Variants in SNX29 observed in about 807,000 individuals in gnomAD.
The protein encoded by SNX29 is sorting nexin-29.
In SNX29, 78 loss-of-function variants were observed where a neutral mutation model predicts 102.1. The ratio of observed to expected loss-of-function variants is 0.76; its 90% confidence interval spans 0.64 to 0.92. SNX29 has a LOEUF of 0.92. Ranked by LOEUF, SNX29 falls within the 40% of genes least tolerant of loss-of-function variation. The pLI, the probability that SNX29 is intolerant of heterozygous loss-of-function variation, is 0.00. For missense variants in SNX29, 1,280 were observed against 1,061.7 expected (o/e 1.21, Z -2.86); for synonymous variants, 580 against 414.5 (o/e 1.40, Z -4.85).
chr16:12,148,141 C>G (rs1349699437), intron 13 of SNX29, among the ~76,000 whole-genome samples: 3 of 152,188 alleles, frequency 2.0e-5, no homozygotes, highest in African/African-American at 7.2e-5. Context: ...GAAGAACTTT[C>G]CTTCAAATGC....
intron 20 of SNX29, among the ~76,000 whole-genome samples, chr16:12,555,675 T>G (rs146350946): frequency 0.012 from 1,850 of 152,154 alleles, 37 homozygotes; most frequent in African/African-American, 0.042. Context: ...GCACGAAGTC[T>G]GAGAATAAGC....
chr16:12,293,086 A>G (rs1480796297), intron 15 of SNX29, among the ~76,000 whole-genome samples: 2 of 152,220 alleles, frequency 1.3e-5, no homozygotes, highest in Non-Finnish European at 2.9e-5. Context: ...TTGCAGGGGC[A>G]TCATATACAT....
At chr16:12,311,061 G>A (rs1473381723) in intron 15 of SNX29, among the ~76,000 whole-genome samples, 1 of 152,158 alleles carries the variant, frequency 6.6e-6, no homozygotes, top group East Asian at 1.9e-4. Flanking sequence ...CAGTGAATAA[G>A]GTTTCTTGTA....
At chr16:12,267,601 C>T (rs1422281050) in intron 14 of SNX29, among the ~76,000 whole-genome samples, 1 of 152,166 alleles carries the variant, frequency 6.6e-6, no homozygotes, top group Non-Finnish European at 1.5e-5. Flanking sequence ...CCTCCCTCAT[C>T]CTGCAGGAGC....
At chr16:12,273,938 T>C (rs545758845) in intron 14 of SNX29, among the ~76,000 whole-genome samples, 2 of 152,336 alleles carry the variant, frequency 1.3e-5, no homozygotes, top group East Asian at 1.9e-4. Flanking sequence ...CATGGCTGAA[T>C]AGTACAACCC....
chr16:12,318,166 C>T (rs1157768345), intron 15 of SNX29, among the ~76,000 whole-genome samples: 1 of 152,228 alleles, frequency 6.6e-6, no homozygotes, highest in African/African-American at 2.4e-5. Context: ...GAGAGGGCGG[C>T]AGAGCCAGGA....
In SNX29 at chr16:12,380,995, A is replaced by G. The variant is rs548162700; in HGVS notation, c.1900-17451A>G. Among the ~76,000 whole-genome samples, 33 of 47,052 alleles carry G rather than the reference A, an allele frequency of 7.0e-4. 1 individual carries two copies. The highest frequency in any genetic ancestry group is 3.0e-3 in the African/African-American group (30 of 9,990). 30.9% of individuals were successfully genotyped at this position (47,052 alleles called of 152,430 possible). A position where few individuals can be genotyped will look rare whatever the true frequency, so the allele number is the denominator to read the frequency against. On this transcript the variant is annotated intron_variant, in intron 16 of 20. Coordinates refer to ENST00000566228, the MANE Select transcript of SNX29 (RefSeq NM_032167.5). The stretch of plus-strand genomic sequence containing the variant: ...CCACCCACCATCCATCCATCCACCC[A>G]CCCACCATCCATCCACCCACCCACC...
chr16:12,455,531 C>G (rs994273884), intron 18 of SNX29, among the ~76,000 whole-genome samples: 2 of 152,238 alleles, frequency 1.3e-5, no homozygotes, highest in African/African-American at 4.8e-5. Flanking sequence ...TTCCTTGTCT[C>G]TTCCCTCCCT....
Position 12,213,127 on chromosome 16 carries a change from CACAA to C in SNX29, c.1678+13454_1678+13457del, listed in dbSNP as rs558376352. ...AGACTCTGTCTCAAAAAAAGAAAAA[CACAA>C]ACAAACAAAAAAAACTACTCGGACA... On this transcript the variant is annotated intron_variant, in intron 14 of 20. Coordinates refer to ENST00000566228, the MANE Select transcript of SNX29 (RefSeq NM_032167.5). Among the ~76,000 whole-genome samples, 220 of 152,088 alleles carry C rather than the reference CACAA, an allele frequency of 1.4e-3. 3 individuals carry two copies. In the East Asian group the frequency reaches 0.025, roughly 17 times the overall value.
chr16:12,240,252 C>A (rs192495012), intron 14 of SNX29, among the ~76,000 whole-genome samples: 18 of 152,280 alleles, frequency 1.2e-4, no homozygotes, highest in African/African-American at 3.9e-4. Flanking sequence ...AATTGCTGGG[C>A]CCTTTAAGAT....
intron 18 of SNX29, among the ~76,000 whole-genome samples, chr16:12,444,888 G>A (rs1261440718): frequency 7.2e-6 from 1 of 139,814 alleles, no homozygotes. Context: ...CAGAGTCTCA[G>A]TCATCCAGGC....
intron 19 of SNX29, among the ~76,000 whole-genome samples, chr16:12,521,360 C>T (rs901229450): frequency 1.3e-5 from 2 of 151,770 alleles, no homozygotes; most frequent in African/African-American, 4.8e-5. Context: ...GAGGAGTGAG[C>T]ACTTGGGAGG....
chr16:12,028,728 CATATGT>C (rs1387360168), intron 4 of SNX29, among the ~76,000 whole-genome samples: 2 of 151,690 alleles, frequency 1.3e-5, no homozygotes, highest in Non-Finnish European at 2.9e-5. Flanking sequence ...AATATTTGTA[CATATGT>C]ATGGGGTACC....
intron 18 of SNX29, among the ~76,000 whole-genome samples, chr16:12,431,448 GTTTTTGTT>G (rs1246530676): frequency 2.6e-5 from 3 of 114,184 alleles, no homozygotes; most frequent in Non-Finnish European, 5.5e-5. Context: ...TTTTTTTTTT[GTTTTTGTT>G]TTTTTGTTTT....
rs146930899 is a variant in SNX29 at position 12,456,694 on chromosome 16, G to C, written c.2038-21025G>C. ...TACTTGATAGTGTGTGCACCCGGTA[G>C]CATGTGTATGTATATGTATCTGGTG... On this transcript the variant is annotated intron_variant, in intron 18 of 20. Transcript: ENST00000566228. Among the ~76,000 whole-genome samples the C allele has an allele frequency of 2.6e-3, 401 of 152,248 alleles. 3 individuals carry two copies. The highest frequency in any genetic ancestry group is 0.01 in the Middle Eastern group (3 of 294).
intron 3 of SNX29, 115 bp downstream of exon 3, chr16:12,003,158 C>A: frequency 7.8e-7 from 1 of 1,279,744 alleles, no homozygotes. Context: ...AGGCGGCTGG[C>A]TTCTGGGCTC....
chr16:12,103,026 A>G (rs2053086004), intron 11 of SNX29, among the ~76,000 whole-genome samples: 1 of 152,380 alleles, frequency 6.6e-6, no homozygotes, highest in South Asian at 2.1e-4. Flanking sequence ...AAGGAGAACT[A>G]CAAACCACTG....
intron 20 of SNX29, among the ~76,000 whole-genome samples, 154 bp from the exon 21 acceptor site, chr16:12,568,352 T>C (rs574750265): frequency 5.7e-4 from 86 of 151,414 alleles, no homozygotes; most frequent in African/African-American, 2.1e-3. Flanking sequence ...GGTTTCTCAT[T>C]TCTTCAGGTG....
intron 18 of SNX29, among the ~76,000 whole-genome samples, chr16:12,443,677 C>T (rs2085911157): frequency 6.6e-6 from 1 of 152,214 alleles, no homozygotes; most frequent in Admixed American, 6.5e-5. Flanking sequence ...TCTCAAACTC[C>T]CGACCTCAGA....
Sources: gnomAD v4.1 joint callset for allele counts (sites outside exome capture counted in the v4.1 genomes callset) on GRCh38, gnomAD v4.1.1 for gene constraint, MANE v1.5 for transcripts, NCBI Gene and HGNC (gene_info 2026-07-23, HGNC 2026-07-21) for gene names.